The following BNC2 variants were observed in gnomAD, a reference collection of about 807,000 sequenced individuals.
BNC2 encodes basonuclin zinc finger protein 2, also known as zinc finger protein basonuclin-2.
Under a neutral mutation model 76.3 loss-of-function variants are expected in BNC2, and 20 were observed. The observed-to-expected ratio is 0.26, with a 90% CI of 0.18 to 0.38. The LOEUF (loss-of-function observed/expected upper bound fraction) is 0.38, where lower values mean the gene tolerates loss of function less well. BNC2 is among the 10% of genes least tolerant of loss of function. The pLI is 1.00. For synonymous variants in BNC2, 582 were observed against 514.8 expected, an observed-to-expected ratio of 1.13 and a Z score of -1.77; for missense variants, 1,382 against 1,399.8, an observed-to-expected ratio of 0.99 and a Z score of 0.20.
intron 6 of BNC2, among the ~76,000 whole-genome samples, chr9:16,427,950 T>C (rs1275851017): frequency 1.3e-5 from 2 of 152,186 alleles, no homozygotes; most frequent in Non-Finnish European, 2.9e-5. Flanking sequence ...AAAAATAATT[T>C]GCTGGGACAA....
At chr9:16,502,341 C>T (rs1563813144) in intron 5 of BNC2, among the ~76,000 whole-genome samples, 1 of 152,206 alleles carries the variant, frequency 6.6e-6, no homozygotes, top group Non-Finnish European at 1.5e-5. Context: ...GAGCAAGACT[C>T]TGTCTCTAAC....
intron 4 of BNC2, among the ~76,000 whole-genome samples, chr9:16,559,261 A>G (rs1318430243): frequency 6.8e-6 from 1 of 147,798 alleles, no homozygotes; most frequent in Non-Finnish European, 1.5e-5. Context: ...ACTTTCTTAA[A>G]TGAGATTTTT....
chr9:16,794,025 A>G (rs1385781024), intron 1 of BNC2, among the ~76,000 whole-genome samples: 1 of 151,906 alleles, frequency 6.6e-6, no homozygotes, highest in East Asian at 1.9e-4. Context: ...CTTGAAACAG[A>G]AAATTATTTA....
At chr9:16,550,302 A>G (rs747146505) in intron 5 of BNC2, among the ~76,000 whole-genome samples, 1 of 152,096 alleles carries the variant, frequency 6.6e-6, no homozygotes, top group Non-Finnish European at 1.5e-5. Context: ...AGTATATTTT[A>G]TGTGTGGCCC....
chr9:16,758,629 C>G (rs994487364), intron 1 of BNC2, among the ~76,000 whole-genome samples: 1 of 152,090 alleles, frequency 6.6e-6, no homozygotes, highest in Non-Finnish European at 1.5e-5. Context: ...GCGCCCAGCC[C>G]AAAGTCCCAT....
chr9:16,652,423 G>T (rs2133960308), intron 3 of BNC2, among the ~76,000 whole-genome samples: 1 of 152,172 alleles, frequency 6.6e-6, no homozygotes, highest in Admixed American at 6.5e-5. Context: ...ATGTGAAAAT[G>T]GAGATGTAGA....
intron 3 of BNC2, among the ~76,000 whole-genome samples, chr9:16,617,318 A>G (rs1820734153): frequency 6.6e-6 from 1 of 152,202 alleles, no homozygotes; most frequent in Non-Finnish European, 1.5e-5. Flanking sequence ...TTGGTTACGA[A>G]AAAATACAAT....
At chr9:16,726,597 T>G (rs1187625080) in intron 3 of BNC2, among the ~76,000 whole-genome samples, 1 of 151,942 alleles carries the variant, frequency 6.6e-6, no homozygotes, top group Non-Finnish European at 1.5e-5. Flanking sequence ...AGTATTTTTT[T>G]CCTCTTGAGT....
At chr9:16,599,750 T>TC (rs1478539105) in intron 3 of BNC2, among the ~76,000 whole-genome samples, 1 of 152,212 alleles carries the variant, frequency 6.6e-6, no homozygotes, top group Non-Finnish European at 1.5e-5. Context: ...GCCACTGCAC[T>TC]CCCACCTAGG....
intron 1 of BNC2, among the ~76,000 whole-genome samples, chr9:16,802,308 C>T (rs1233202948): frequency 6.6e-6 from 1 of 152,232 alleles, no homozygotes; most frequent in African/African-American, 2.4e-5. Context: ...AATGGACCAA[C>T]AGTCCACTGC....
At chr9:16,486,664 T>G (rs1822170268) in intron 5 of BNC2, among the ~76,000 whole-genome samples, 2 of 152,132 alleles carry the variant, frequency 1.3e-5, no homozygotes, top group Non-Finnish European at 2.9e-5. Context: ...TTCTTTAAAG[T>G]TCTCCTGGGT....
intron 3 of BNC2, among the ~76,000 whole-genome samples, chr9:16,631,488 G>A (rs1254427883): frequency 6.6e-6 from 1 of 152,160 alleles, no homozygotes; most frequent in Non-Finnish European, 1.5e-5. Context: ...TTGAAACATG[G>A]CAGAAATAAC....
intron 5 of BNC2, among the ~76,000 whole-genome samples, chr9:16,449,868 A>G (rs1821305529): frequency 6.6e-6 from 1 of 151,932 alleles, no homozygotes; most frequent in Non-Finnish European, 1.5e-5. Context: ...TAAAATTGTA[A>G]TGCCAATATG....
intron 3 of BNC2, among the ~76,000 whole-genome samples, chr9:16,704,538 T>C (rs1243062602): frequency 6.7e-6 from 1 of 150,082 alleles, no homozygotes; most frequent in Non-Finnish European, 1.5e-5. Flanking sequence ...ATTAGCATGG[T>C]TGGATTTAGC....
At chr9:16,455,651 G>T (rs1001209807) in intron 5 of BNC2, among the ~76,000 whole-genome samples, 1 of 152,070 alleles carries the variant, frequency 6.6e-6, no homozygotes, top group African/African-American at 2.4e-5. Context: ...AATTAGTGGG[G>T]CATGGTGGCA....
At chr9:16,524,133 G>C (rs934293304) in intron 5 of BNC2, among the ~76,000 whole-genome samples, 1 of 150,706 alleles carries the variant, frequency 6.6e-6, no homozygotes, top group Non-Finnish European at 1.5e-5. Context: ...CATGGTAAAA[G>C]AAGCGAATTA....
intron 1 of BNC2, among the ~76,000 whole-genome samples, chr9:16,795,991 C>A (rs566715375): frequency 1.1e-3 from 166 of 152,202 alleles, no homozygotes; most frequent in African/African-American, 3.8e-3. Context: ...CAAGTCTAAC[C>A]AGAACTAAGG....
intron 3 of BNC2, among the ~76,000 whole-genome samples, chr9:16,668,974 T>C (rs1477668833): frequency 6.6e-6 from 1 of 152,138 alleles, no homozygotes; most frequent in East Asian, 1.9e-4. Flanking sequence ...TGCTTTACTG[T>C]TCCTTCTGTC....
rs555354225 is a variant in BNC2, at chr9:16,728,144, T to C, written c.130-147A>G. 1.7e-4 allele frequency: 129 copies of C among 764,074 alleles called. No individual in the cohort carries two copies. In the East Asian group the frequency reaches 3.0e-3, roughly 18 times the overall value. 47.3% of individuals were successfully genotyped at this position (764,074 alleles called of 1,614,324 possible). ...GGGTCAGAGCTTCTTTCGCACCTTCTGCACAGATATCCCTATCATTTATGC... is the reference window on the plus strand; with the variant it reads ...GGGTCAGAGCTTCTTTCGCACCTTCCGCACAGATATCCCTATCATTTATGC... On this transcript the variant is annotated intron_variant, in intron 2 of 6. Transcript: ENST00000380672.
Sources: allele counts gnomAD v4.1 joint callset (sites outside exome capture counted in the v4.1 genomes callset), GRCh38; gene constraint gnomAD v4.1.1; transcripts MANE v1.5; gene names NCBI Gene and HGNC (gene_info 2026-07-23, HGNC 2026-07-21).